DCC: variants seen among roughly 807,000 people sequenced by gnomAD.
The protein encoded by DCC is DCC netrin 1 receptor, also known as netrin receptor DCC.
DCC carries 58 observed loss-of-function variants against 172.5 expected under a neutral mutation model. The ratio of observed to expected loss-of-function variants is 0.34; its 90% CI spans 0.27 to 0.42. The LOEUF (loss-of-function observed/expected upper bound fraction) is 0.42, where lower values mean the gene tolerates loss of function less well. Ranked by LOEUF, DCC falls within the 10% of genes least tolerant of loss-of-function variation. The pLI is 1.00. For synonymous variants in DCC, 709 were observed against 644.5 expected, an observed-to-expected ratio of 1.10 and a Z score of -1.52; for missense variants, 1,740 against 1,791.0, an observed-to-expected ratio of 0.97 and a Z score of 0.51.
intron 22 of DCC, among the ~76,000 whole-genome samples, chr18:53,439,746 T>C (rs1279447134): frequency 6.6e-6 from 1 of 151,058 alleles, no homozygotes; most frequent in Non-Finnish European, 1.5e-5. Flanking sequence ...AAAGCTAATA[T>C]GTGGTGATGT....
intron 1 of DCC, among the ~76,000 whole-genome samples, chr18:52,665,781 T>A (rs951479738): frequency 6.6e-6 from 1 of 152,242 alleles, no homozygotes; most frequent in Non-Finnish European, 1.5e-5. Context: ...CAGTAATTTT[T>A]ATTTATATTG....
chr18:53,225,473 C>G (rs1214155674), intron 12 of DCC, among the ~76,000 whole-genome samples: 1 of 152,054 alleles, frequency 6.6e-6, no homozygotes, highest in Non-Finnish European at 1.5e-5. Flanking sequence ...ACACAGGATC[C>G]AGTATACAAA....
chr18:53,437,829 G>A (rs927681975), intron 22 of DCC, among the ~76,000 whole-genome samples: 4 of 152,138 alleles, frequency 2.6e-5, no homozygotes, highest in African/African-American at 4.8e-5. Flanking sequence ...AGCCCTCAGC[G>A]AGTGCAGGGC....
intron 1 of DCC, among the ~76,000 whole-genome samples, chr18:52,538,384 A>G (rs2032344497): frequency 6.6e-6 from 1 of 152,184 alleles, no homozygotes; most frequent in South Asian, 2.1e-4. Flanking sequence ...GAACATCATA[A>G]TATATTACTG....
chr18:53,071,557 C>T (rs2042651603), intron 7 of DCC, among the ~76,000 whole-genome samples: 1 of 152,122 alleles, frequency 6.6e-6, no homozygotes, highest in Admixed American at 6.6e-5. Flanking sequence ...AGGATGGATT[C>T]CTGCACACAT....
intron 15 of DCC, among the ~76,000 whole-genome samples, chr18:53,366,108 G>T (rs2058001908): frequency 2.0e-5 from 3 of 152,044 alleles, no homozygotes; most frequent in Non-Finnish European, 4.4e-5. Flanking sequence ...CCAGGCTGGA[G>T]TGCAGTGGCG....
chr18:53,336,935 C>T (rs746247972), intron 14 of DCC, among the ~76,000 whole-genome samples: 8 of 152,300 alleles, frequency 5.3e-5, no homozygotes, highest in South Asian at 2.1e-4. Context: ...TATCTTCTTA[C>T]GTACTAACAT....
intron 7 of DCC, among the ~76,000 whole-genome samples, chr18:53,144,419 G>A (rs553122128): frequency 6.6e-6 from 1 of 152,266 alleles, no homozygotes; most frequent in East Asian, 1.9e-4. Context: ...GGTTGGGGAG[G>A]CCTGGCAATC....
At chr18:52,357,278 A>C (rs1346700261) in intron 1 of DCC, among the ~76,000 whole-genome samples, 1 of 152,210 alleles carries the variant, frequency 6.6e-6, no homozygotes, top group African/African-American at 2.4e-5. Flanking sequence ...ACTTATGCAG[A>C]AAACATACAA....
chr18:53,165,120 A>C (rs914594527), intron 8 of DCC, among the ~76,000 whole-genome samples: 1 of 152,190 alleles, frequency 6.6e-6, no homozygotes, highest in African/African-American at 2.4e-5. Context: ...TCACAATAAT[A>C]CTGTGAGGTA....
chr18:53,259,235 G>A (rs1293672151), intron 12 of DCC, among the ~76,000 whole-genome samples: 3 of 152,156 alleles, frequency 2.0e-5, no homozygotes, highest in Admixed American at 6.5e-5. Context: ...TGTTATGTGT[G>A]AATTTGATCC....
chr18:53,448,537 A>G (rs776463062), intron 22 of DCC, among the ~76,000 whole-genome samples: 2 of 152,190 alleles, frequency 1.3e-5, no homozygotes, highest in Non-Finnish European at 2.9e-5. Flanking sequence ...TCAAGATGAG[A>G]TTTAGGTGGG....
chr18:53,189,290 G>C (rs760286051), intron 9 of DCC, among the ~76,000 whole-genome samples: 9 of 152,052 alleles, frequency 5.9e-5, no homozygotes, highest in Non-Finnish European at 1.2e-4. Flanking sequence ...ATTGGCATTA[G>C]TGTCTGGAAG....
intron 1 of DCC, among the ~76,000 whole-genome samples, chr18:52,739,679 A>G (rs1179207960): frequency 1.3e-5 from 2 of 152,228 alleles, no homozygotes; most frequent in Admixed American, 6.5e-5. Context: ...CTTAAAATGT[A>G]TCACTAGCTC....
chr18:53,266,277 T>G (rs1360164660), intron 12 of DCC, among the ~76,000 whole-genome samples: 1 of 152,210 alleles, frequency 6.6e-6, no homozygotes, highest in Non-Finnish European at 1.5e-5. Flanking sequence ...ATTTCAATCC[T>G]CATACATTGT....
chr18:52,352,150 C>T (rs888273635), intron 1 of DCC, among the ~76,000 whole-genome samples: 1 of 152,150 alleles, frequency 6.6e-6, no homozygotes, highest in Non-Finnish European at 1.5e-5. Flanking sequence ...CAGTAGTTAG[C>T]TATATACAAT....
chr18:52,378,365 T>C (rs1985441585), intron 1 of DCC, among the ~76,000 whole-genome samples: 1 of 151,722 alleles, frequency 6.6e-6, no homozygotes, highest in Non-Finnish European at 1.5e-5. Context: ...TGACATAATG[T>C]CATAACTTAA....
chr18:52,795,417 T>C (rs939070876), intron 2 of DCC, among the ~76,000 whole-genome samples: 2 of 151,974 alleles, frequency 1.3e-5, no homozygotes, highest in African/African-American at 4.8e-5. Flanking sequence ...GAGTTATTAA[T>C]AGTCTCTAAT....
At chr18:52,973,253 CTTTAG>C (rs1483095900) in intron 5 of DCC, among the ~76,000 whole-genome samples, 2 of 152,002 alleles carry the variant, frequency 1.3e-5, no homozygotes, top group East Asian at 3.9e-4. Context: ...TGTTTAATAA[CTTTAG>C]TTAAAGGAAT....
Sources: allele counts gnomAD v4.1 joint callset (sites outside exome capture counted in the v4.1 genomes callset), GRCh38; gene constraint gnomAD v4.1.1; transcripts MANE v1.5; gene names NCBI Gene and HGNC (gene_info 2026-07-23, HGNC 2026-07-21).